KATNIP: variants seen among roughly 807,000 people sequenced by gnomAD.
The protein encoded by KATNIP is katanin interacting protein, also known as katanin-interacting protein.
KATNIP carries 126 observed loss-of-function variants against 174.0 expected under a neutral mutation model. The ratio of observed to expected loss-of-function variants is 0.72; its 90% CI spans 0.63 to 0.84. The LOEUF is 0.84. Among genes scored for constraint, KATNIP ranks in the 40% least tolerant of loss-of-function variants. KATNIP has a pLI of 0.00. For missense variants in KATNIP, 1,958 were observed against 2,109.7 expected (o/e 0.93, Z 1.41); for synonymous variants, 810 against 835.7 (o/e 0.97, Z 0.53).
intron 19 of KATNIP, among the ~76,000 whole-genome samples, chr16:27,765,299 G>A (rs192333117): frequency 4.0e-4 from 61 of 152,368 alleles, no homozygotes; most frequent in East Asian, 3.9e-3. Flanking sequence ...CGAGAGGCAC[G>A]ATTGTCCTTG....
chr16:27,635,032 C>G (rs547565404), intron 5 of KATNIP, among the ~76,000 whole-genome samples: 50 of 152,246 alleles, frequency 3.3e-4, no homozygotes, highest in Admixed American at 1.8e-3. Context: ...GATGAAGAAG[C>G]TGTGTTCTCA....
chr16:27,761,935 A>G (rs2081969494), intron 19 of KATNIP, among the ~76,000 whole-genome samples: 1 of 152,224 alleles, frequency 6.6e-6, no homozygotes, highest in African/African-American at 2.4e-5. Flanking sequence ...TGGATGGTTC[A>G]GAGTTTACAC....
chr16:27,574,162 C>A (rs1389601135), intron 2 of KATNIP: 2 of 571,006 alleles, frequency 3.5e-6, no homozygotes, highest in Non-Finnish European at 6.3e-6. Flanking sequence ...TTGTAATAAT[C>A]ATCTCTGAGT....
intron 5 of KATNIP, among the ~76,000 whole-genome samples, chr16:27,642,626 C>A (rs547139236): frequency 6.6e-6 from 1 of 152,008 alleles, no homozygotes; most frequent in South Asian, 2.1e-4. Flanking sequence ...GTGCTAAGAC[C>A]GAGTTGATAG....
chr16:27,660,045 G>C (rs1270073690), intron 6 of KATNIP: 2 of 974,518 alleles, frequency 2.1e-6, no homozygotes, highest in African/African-American at 3.5e-5. Flanking sequence ...GTTTTAGGGA[G>C]GAGAAATACC....
chr16:27,712,487 C>T (rs1355678360), intron 13 of KATNIP, among the ~76,000 whole-genome samples: 3 of 152,146 alleles, frequency 2.0e-5, no homozygotes, highest in African/African-American at 7.2e-5. Context: ...GAGGCACTTG[C>T]CCCAGGCCAT....
Position 27,766,430 on chromosome 16 carries a change from C to G in KATNIP, c.3931C>G (p.Arg1311Gly), listed in dbSNP as rs749404725. Reference protein sequence around the residue: ...LDRAESIAGLRFWNYNKSPED... With the variant: ...LDRAESIAGLGFWNYNKSPED... ...CAGGGCCGAAAGCATCGCAGGCCTG[C>G]GCTTCTGGAACTACAATAAATCTCC... Residue 1311 changes from arginine to glycine, a missense_variant, in exon 20 of 28, where the codon CGC becomes GGC. By Grantham distance (125) the Arg-to-Gly change is moderately radical. Around this residue, in one of 3 missense-constraint regions of KATNIP, gnomAD observed 383 missense variants for 456.0 expected, o/e 0.84. Transcript: ENST00000261588. 6.2e-7 allele frequency: 1 copy of G among 1,613,962 alleles called. No homozygotes were observed. Among genetic ancestry groups the G allele is most frequent in the Non-Finnish European group, 8.5e-7 (1 of 1,180,012 alleles).
At chr16:27,563,805 T>C (rs2089979344) in intron 1 of KATNIP, among the ~76,000 whole-genome samples, 2 of 148,694 alleles carry the variant, frequency 1.3e-5, no homozygotes, top group South Asian at 2.1e-4. Flanking sequence ...TCCCAGCACG[T>C]TGGGAAGCTG....
chr16:27,717,445 G>A (rs1416976671), intron 13 of KATNIP, among the ~76,000 whole-genome samples: 1 of 152,086 alleles, frequency 6.6e-6, no homozygotes, highest in African/African-American at 2.4e-5. Context: ...GCTGTTCCAT[G>A]GGCCATTAAT....
intron 2 of KATNIP, among the ~76,000 whole-genome samples, chr16:27,615,746 A>G (rs141550876): frequency 3.3e-5 from 5 of 152,322 alleles, no homozygotes; most frequent in Non-Finnish European, 7.3e-5. Flanking sequence ...ACAGATGAGC[A>G]GATTCCCATG....
chr16:27,617,938 A>G (rs966227531), intron 2 of KATNIP, among the ~76,000 whole-genome samples: 2 of 152,022 alleles, frequency 1.3e-5, no homozygotes, highest in Non-Finnish European at 1.5e-5. Flanking sequence ...AGGTCTCCCT[A>G]GGTTACCCAG....
chr16:27,558,566 A>G (rs899836748), intron 1 of KATNIP, among the ~76,000 whole-genome samples: 39 of 152,224 alleles, frequency 2.6e-4, no homozygotes, highest in African/African-American at 9.4e-4. Flanking sequence ...TTAGAAGATA[A>G]TATTTGTAGA....
chr16:27,632,015 A>G (rs772083180), intron 5 of KATNIP, among the ~76,000 whole-genome samples: 3 of 152,184 alleles, frequency 2.0e-5, no homozygotes, highest in Non-Finnish European at 4.4e-5. Context: ...AGCTGAAGAG[A>G]TGGAGGTTCA....
At chr16:27,691,039 G>A (rs575118874) in intron 8 of KATNIP, among the ~76,000 whole-genome samples, 4 of 152,174 alleles carry the variant, frequency 2.6e-5, no homozygotes, top group African/African-American at 9.6e-5. Flanking sequence ...GTGGGCTGCC[G>A]GTTTATGATT....
At chr16:27,675,688 C>T (rs1267512816) in intron 6 of KATNIP, among the ~76,000 whole-genome samples, 1 of 152,148 alleles carries the variant, frequency 6.6e-6, no homozygotes, top group East Asian at 1.9e-4. Context: ...GTCTGACAAC[C>T]TTTCGTTTTG....
In KATNIP at chr16:27,738,155, A is replaced by T. The variant is rs185193830; in HGVS notation, c.1744-1886A>T. On this transcript the variant is annotated intron_variant, in intron 14 of 27. Transcript: ENST00000261588. ...GGTGAATCTCAGAGCAGTTATGGTG[A>T]CTGAAAGAGCCGAGCAAAAAAGACT... Among the ~76,000 whole-genome samples the T allele has an allele frequency of 4.6e-5, 7 of 152,318 alleles. 1 individual carries two copies. The highest frequency in any genetic ancestry group is 1.0e-4 in the Non-Finnish European group (7 of 68,030).
At chr16:27,618,217 G>A (rs1281896741) in intron 2 of KATNIP, among the ~76,000 whole-genome samples, 1 of 152,194 alleles carries the variant, frequency 6.6e-6, no homozygotes, top group African/African-American at 2.4e-5. Flanking sequence ...TTTCATAGAT[G>A]ATTAAAGGTG....
chr16:27,706,357 C>G (rs2079302263), intron 12 of KATNIP, among the ~76,000 whole-genome samples: 1 of 152,206 alleles, frequency 6.6e-6, no homozygotes, highest in Non-Finnish European at 1.5e-5. Context: ...CTTCTGGCAG[C>G]CGAGGGGACA....
intron 6 of KATNIP, among the ~76,000 whole-genome samples, chr16:27,670,916 G>T (rs373895527): frequency 6.6e-6 from 1 of 152,326 alleles, no homozygotes; most frequent in East Asian, 1.9e-4. Context: ...TGCTGGCCGG[G>T]CGTAGTGGCT....
Sources: allele counts gnomAD v4.1 joint callset (sites outside exome capture counted in the v4.1 genomes callset), GRCh38; gene constraint gnomAD v4.1.1; regional missense constraint gnomAD v4.1.1; transcripts MANE v1.5; gene names NCBI Gene and HGNC (gene_info 2026-07-23, HGNC 2026-07-21).